Variants in CWH43 observed in about 807,000 individuals in gnomAD.
CWH43 encodes cell wall biogenesis 43 C-terminal homolog.
A neutral mutation model predicts 85.7 loss-of-function variants in CWH43; 91 were observed. The observed-to-expected ratio is 1.06, with a 90% CI of 0.90 to 1.26. The LOEUF (loss-of-function observed/expected upper bound fraction) is 1.26, where lower values mean the gene tolerates loss of function less well. Among genes scored for constraint, CWH43 ranks in the 50% most tolerant of loss-of-function variants. The pLI is 0.00. For missense variants in CWH43, 869 were observed against 839.2 expected (o/e 1.04, Z -0.44); for synonymous variants, 323 against 293.6 (o/e 1.10, Z -1.02).
At chr4:49,025,862 C>T (rs1035816928) in intron 9 of CWH43, among the ~76,000 whole-genome samples, 7 of 152,102 alleles carry the variant, frequency 4.6e-5, no homozygotes, top group Non-Finnish European at 7.4e-5. Flanking sequence ...AGCACATCAG[C>T]TGTGGTAGTA....
At chr4:48,999,027 T>A (rs1304333732) in intron 6 of CWH43, among the ~76,000 whole-genome samples, 2 of 152,160 alleles carry the variant, frequency 1.3e-5, no homozygotes, top group East Asian at 3.9e-4. Context: ...GATTATTTTG[T>A]TACCCAGGTA....
intron 9 of CWH43, among the ~76,000 whole-genome samples, chr4:49,019,174 A>G (rs956177868): frequency 4.6e-5 from 7 of 152,166 alleles, no homozygotes; most frequent in Non-Finnish European, 1.0e-4. Context: ...AGTAGGGGAG[A>G]ATTATAGTAT....
At chr4:49,017,038 C>A in intron 8 of CWH43, 3 of 753,590 alleles carry the variant, frequency 4.0e-6, no homozygotes, top group Non-Finnish European at 7.4e-6. Context: ...GGAGAGCAAA[C>A]CACCTCAGCG....
intron 12 of CWH43, among the ~76,000 whole-genome samples, chr4:49,034,876 A>G (rs1784219695): frequency 6.6e-6 from 1 of 152,226 alleles, no homozygotes; most frequent in Non-Finnish European, 1.5e-5. Flanking sequence ...TAAGTGCTCA[A>G]TTAACACTGG....
Position 48,988,480 on chromosome 4 carries a change from G to A in CWH43, c.47G>A (p.Cys16Tyr). The A allele has an allele frequency of 6.5e-7, 1 of 1,546,938 alleles. No homozygotes were observed. Residue 16 changes from cysteine to tyrosine, a missense_variant, in exon 2 of 16, where the codon TGT becomes TAT. This residue lies in a region of CWH43 where 140 missense variants were observed against 122.6 expected (regional missense o/e 1.14). Coordinates refer to ENST00000226432, the MANE Select transcript of CWH43 (RefSeq NM_025087.3). ...REILLESLLG[C>Y]VSWSLYHDLG... Reference sequence around the variant, plus strand: ...TTAACTTTTTTTTTTTTTGTAGGATGTGTTTCTTGGTCTCTCTACCATGAC... The same window carrying A: ...TTAACTTTTTTTTTTTTTGTAGGATATGTTTCTTGGTCTCTCTACCATGAC...
intron 7 of CWH43, 41 bp from the exon 8 acceptor site, chr4:49,007,160 T>G: frequency 6.4e-7 from 1 of 1,558,574 alleles, no homozygotes; most frequent in Non-Finnish European, 8.7e-7. Flanking sequence ...GAAGGATTTT[T>G]GGATCAGACT....
rs975082209 is a variant in CWH43, at chr4:49,003,641, C to T, written c.803-94C>T. The T allele has an allele frequency of 9.0e-6, 11 of 1,217,634 alleles. No homozygotes were observed. In the African/African-American group the frequency reaches 1.5e-4, roughly 17 times the overall value. The allele number at this position is 1,217,634 out of a possible 1,614,324, so 75.4% of individuals were successfully genotyped here. A position where few individuals can be genotyped will look rare whatever the true frequency, so the allele number is the denominator to read the frequency against. ...TCTGTCTGGAGATTGGATCAGTATA[C>T]CCCTAAGGTCTGTTCTGGTCCTAAA... On this transcript the variant is annotated intron_variant, in intron 6 of 15. Transcript: ENST00000226432.
intron 15 of CWH43, among the ~76,000 whole-genome samples, chr4:49,056,288 C>T (rs996272905): frequency 6.6e-6 from 1 of 152,092 alleles, no homozygotes; most frequent in African/African-American, 2.4e-5. Context: ...ACCAGTGAGG[C>T]AATTGGGTCT....
At chr4:49,053,581 G>A (rs1338993502) in intron 15 of CWH43, among the ~76,000 whole-genome samples, 5 of 152,116 alleles carry the variant, frequency 3.3e-5, no homozygotes, top group African/African-American at 4.8e-5. Context: ...CCACTTGGAT[G>A]TCTTCTTTTG....
Position 49,007,294 on chromosome 4 carries a change from T to C in CWH43, c.1154T>C (p.Leu385Pro). 1 of 1,607,254 alleles carries C rather than the reference T, an allele frequency of 6.2e-7. No individual in the cohort carries two copies. The highest frequency in any genetic ancestry group is 8.5e-7 in the Non-Finnish European group (1 of 1,177,282). ...CAAACAAAAAACAGTTCTAAAGTGC[T>C]TTTCAGAAAGAGTGAAAAATACATG... Reference protein sequence around the residue: ...LLQTKNSSKVLFRKSEKYMKL... With the variant: ...LLQTKNSSKVPFRKSEKYMKL... Residue 385 changes from leucine (L) to proline (P), a missense_variant, in exon 8 of 16, where the codon CTT becomes CCT. Coordinates refer to ENST00000226432, the MANE Select transcript of CWH43 (RefSeq NM_025087.3).
intron 9 of CWH43, among the ~76,000 whole-genome samples, chr4:49,018,029 C>G (rs1440494667): frequency 6.6e-6 from 1 of 151,252 alleles, no homozygotes; most frequent in African/African-American, 2.4e-5. Flanking sequence ...TTAGTAGAGA[C>G]GGGTTTCACC....
intron 8 of CWH43, among the ~76,000 whole-genome samples, chr4:49,016,432 T>G (rs1783548082): frequency 6.6e-6 from 1 of 152,084 alleles, no homozygotes. Flanking sequence ...ATCTCCTGCC[T>G]TCACTGGGGC....
At chr4:49,057,814 A>G (rs540954594) in intron 15 of CWH43, among the ~76,000 whole-genome samples, 1 of 152,260 alleles carries the variant, frequency 6.6e-6, no homozygotes, top group South Asian at 2.1e-4. Context: ...GTGCACATAT[A>G]TTTATAATTA....
At chr4:49,021,598 AT>A (rs1445310966) in intron 9 of CWH43, among the ~76,000 whole-genome samples, 5 of 152,106 alleles carry the variant, frequency 3.3e-5, no homozygotes, top group African/African-American at 1.2e-4. Context: ...TGATGGTGGT[AT>A]TTTAATGGGA....
At chr4:49,051,057 G>T (rs1216954861) in intron 15 of CWH43, among the ~76,000 whole-genome samples, 2 of 152,102 alleles carry the variant, frequency 1.3e-5, no homozygotes. Context: ...GTAACCTCAG[G>T]TTAAAAAAGT....
At chr4:49,060,953 T>C (rs1360393496) in intron 15 of CWH43, among the ~76,000 whole-genome samples, 1 of 152,216 alleles carries the variant, frequency 6.6e-6, no homozygotes, top group African/African-American at 2.4e-5. Context: ...GATTCTTTCA[T>C]CCAAATAGTA....
At chr4:49,025,536 C>T (rs1186535094) in intron 9 of CWH43, among the ~76,000 whole-genome samples, 3 of 152,142 alleles carry the variant, frequency 2.0e-5, no homozygotes, top group Non-Finnish European at 4.4e-5. Context: ...TTCTTTTCTC[C>T]CATAGGGTGC....
intron 9 of CWH43, among the ~76,000 whole-genome samples, chr4:49,025,517 C>T (rs943278912): frequency 6.6e-6 from 1 of 152,186 alleles, no homozygotes; most frequent in Non-Finnish European, 1.5e-5. Flanking sequence ...TCAAGTGCTG[C>T]TCTTCAGATT....
chr4:49,018,543 C>T (rs1783635658), intron 9 of CWH43, among the ~76,000 whole-genome samples: 1 of 152,164 alleles, frequency 6.6e-6, no homozygotes, highest in Non-Finnish European at 1.5e-5. Flanking sequence ...CTTTTCTTGT[C>T]TCTTTCTTTC....
Sources: gnomAD v4.1 joint callset for allele counts (sites outside exome capture counted in the v4.1 genomes callset) on GRCh38, gnomAD v4.1.1 for gene constraint, gnomAD v4.1.1 regional missense constraint, MANE v1.5 for transcripts, NCBI Gene and HGNC (gene_info 2026-07-23, HGNC 2026-07-21) for gene names.